Variants in GOLPH3L observed in about 807,000 individuals in gnomAD.
GOLPH3L encodes Golgi phosphoprotein 3-like.
GOLPH3L carries 22 observed loss-of-function variants against 30.3 expected under a neutral mutation model. The ratio of observed to expected loss-of-function variants is 0.73; its 90% CI spans 0.52 to 1.04. GOLPH3L has a LOEUF of 1.04. GOLPH3L is among the 50% of genes least tolerant of loss of function. The pLI is 0.00. For missense variants in GOLPH3L, 303 were observed against 345.8 expected (o/e 0.88, Z 0.98); for synonymous variants, 120 against 128.2 (o/e 0.94, Z 0.43).
intron 2 of GOLPH3L, among the ~76,000 whole-genome samples, chr1:150,692,932 T>A (rs2101822894): frequency 6.6e-6 from 1 of 152,336 alleles, no homozygotes; most frequent in South Asian, 2.1e-4. Context: ...TTTTATACAG[T>A]CAGTGACTGT....
intron 2 of GOLPH3L, among the ~76,000 whole-genome samples, chr1:150,666,906 T>C (rs1264259456): frequency 6.6e-6 from 1 of 152,128 alleles, no homozygotes; most frequent in African/African-American, 2.4e-5. Context: ...TTCTTCCTTG[T>C]TTGTATGTTT....
chr1:150,691,302 G>T (rs587650016), intron 2 of GOLPH3L, among the ~76,000 whole-genome samples: 1 of 152,290 alleles, frequency 6.6e-6, no homozygotes, highest in South Asian at 2.1e-4. Context: ...TCGCCTGAGA[G>T]GTCAGGAGTT....
intron 2 of GOLPH3L, among the ~76,000 whole-genome samples, chr1:150,681,397 A>G (rs1650944099): frequency 6.6e-6 from 1 of 152,234 alleles, no homozygotes; most frequent in African/African-American, 2.4e-5. Flanking sequence ...GATAAATGCA[A>G]GAGAATTCAG....
chr1:150,651,122 G>A (rs1212003312), intron 4 of GOLPH3L, among the ~76,000 whole-genome samples: 1 of 152,208 alleles, frequency 6.6e-6, no homozygotes, highest in Non-Finnish European at 1.5e-5. Flanking sequence ...TTCAAGACAA[G>A]CCTGGCCAAC....
chr1:150,673,746 C>T (rs936783930), intron 2 of GOLPH3L, among the ~76,000 whole-genome samples: 2 of 148,964 alleles, frequency 1.3e-5, no homozygotes, highest in African/African-American at 2.5e-5. Flanking sequence ...CTGGGCAACA[C>T]AGTGAAACCC....
intron 4 of GOLPH3L, among the ~76,000 whole-genome samples, chr1:150,657,214 T>G (rs1650259257): frequency 6.6e-6 from 1 of 152,226 alleles, no homozygotes; most frequent in South Asian, 2.1e-4. Context: ...CCTTTTTACA[T>G]CACTCACATT....
chr1:150,648,550 C>T lies in GOLPH3L; in HGVS notation c.629G>A (p.Arg210Gln), dbSNP rs746160587. Residue 210 changes from arginine (R) to glutamine (Q), a missense_variant, in exon 5 of 5, where the codon CGG becomes CAG. Coordinates refer to ENST00000271732, the MANE Select transcript of GOLPH3L (RefSeq NM_018178.6). The stretch of plus-strand genomic sequence containing the variant: ...CATACGCTGAGGGTCATTTACCCAC[C>T]GCTCTAGTACACTATCTTGAAGTTT... ...VKKLQDSVLE[R>Q]WVNDPQRMDK... is the part of the protein sequence containing the mutation. The T allele has an allele frequency of 1.1e-5, 17 of 1,613,650 alleles. 1 individual carries two copies. The highest frequency in any genetic ancestry group is 8.0e-5 in the African/African-American group (6 of 74,896).
chr1:150,678,444 A>G (rs1300794273), intron 2 of GOLPH3L, among the ~76,000 whole-genome samples: 1 of 152,048 alleles, frequency 6.6e-6, no homozygotes, highest in African/African-American at 2.4e-5. Flanking sequence ...ACAAGTTAAT[A>G]TCCTTCCCAT....
chr1:150,678,283 T>TAAAAAAA (rs1557786810), intron 2 of GOLPH3L, among the ~76,000 whole-genome samples: 2 of 12,730 alleles, frequency 1.6e-4, no homozygotes, highest in Non-Finnish European at 3.0e-4. Context: ...AAACTCCGTC[T>TAAAAAAA]CAAAAAAAAA....
At chr1:150,693,822 TA>T (rs1179630154) in intron 2 of GOLPH3L, among the ~76,000 whole-genome samples, 2 of 85,288 alleles carry the variant, frequency 2.3e-5, no homozygotes, top group African/African-American at 1.1e-4. Flanking sequence ...TGTGTGTGTA[TA>T]TATATATATA....
intron 1 of GOLPH3L, among the ~76,000 whole-genome samples, chr1:150,696,058 A>G (rs1041082198): frequency 3.3e-5 from 5 of 152,236 alleles, no homozygotes; most frequent in Admixed American, 2.0e-4. Context: ...AATATTTTAA[A>G]TCAGCAATTA....
intron 4 of GOLPH3L, among the ~76,000 whole-genome samples, chr1:150,657,954 C>T (rs1287148690): frequency 6.6e-6 from 1 of 152,202 alleles, no homozygotes; most frequent in African/African-American, 2.4e-5. Context: ...AGAAGCAAAA[C>T]AACTGGTTTG....
chr1:150,689,654 T>A (rs1651164978), intron 2 of GOLPH3L, among the ~76,000 whole-genome samples: 2 of 152,180 alleles, frequency 1.3e-5, no homozygotes, highest in South Asian at 4.1e-4. Context: ...TTTAATTAGT[T>A]TATATTTTTT....
chr1:150,675,373 T>C (rs1650749470), intron 2 of GOLPH3L, among the ~76,000 whole-genome samples: 2 of 151,994 alleles, frequency 1.3e-5, no homozygotes, highest in African/African-American at 4.8e-5. Context: ...CACCCATAAA[T>C]TCCATTACCC....
intron 2 of GOLPH3L, among the ~76,000 whole-genome samples, chr1:150,691,042 C>T (rs767514533): frequency 2.8e-4 from 42 of 152,112 alleles, no homozygotes; most frequent in Non-Finnish European, 3.7e-4. Flanking sequence ...GCTTGTAATC[C>T]CAGCACTTTG....
intron 2 of GOLPH3L, among the ~76,000 whole-genome samples, chr1:150,693,155 G>A (rs977299038): frequency 1.3e-5 from 2 of 152,108 alleles, no homozygotes; most frequent in African/African-American, 2.4e-5. Context: ...ACATAAGCAT[G>A]TCTCTAATAT....
At position 150,675,954 on chromosome 1, in the gene GOLPH3L, TCCTC is replaced by T. The variant is rs200242510; in HGVS notation, c.184-12195_184-12192del. 4.8e-3 allele frequency among the ~76,000 whole-genome samples: 712 copies of T among 149,438 alleles called. 4 individuals carry two copies. The highest frequency in any genetic ancestry group is 7.5e-3 in the Non-Finnish European group (505 of 67,368). On this transcript the variant is annotated intron_variant, in intron 2 of 4. Coordinates refer to ENST00000271732, the MANE Select transcript of GOLPH3L (RefSeq NM_018178.6). Reference sequence around the variant, plus strand: ...TTTTTTTTAACATTTTTGATTGAACTCCTCCCTCCCTCCCTCCCTTCCTTTTTTT... The same window carrying T: ...TTTTTTTTAACATTTTTGATTGAACTCCTCCCTCCCTCCCTTCCTTTTTTT...
chr1:150,692,596 T>C (rs1023432165), intron 2 of GOLPH3L, among the ~76,000 whole-genome samples: 9 of 152,178 alleles, frequency 5.9e-5, no homozygotes, highest in African/African-American at 2.2e-4. Flanking sequence ...TCTCACCATG[T>C]TGCCCAGGCT....
chr1:150,666,290 T>C (rs1007991939), intron 2 of GOLPH3L, among the ~76,000 whole-genome samples: 1 of 152,156 alleles, frequency 6.6e-6, no homozygotes, highest in Non-Finnish European at 1.5e-5. Flanking sequence ...CCCCGTCTTT[T>C]AACCTTTTAT....
Sources: gnomAD v4.1 joint callset for allele counts (sites outside exome capture counted in the v4.1 genomes callset) on GRCh38, gnomAD v4.1.1 for gene constraint, MANE v1.5 for transcripts, NCBI Gene and HGNC (gene_info 2026-07-23, HGNC 2026-07-21) for gene names.